CADM2: variants seen among roughly 807,000 people sequenced by gnomAD.
CADM2 encodes immunoglobulin superfamily member 4D.
A neutral mutation model predicts 49.8 loss-of-function variants in CADM2; 12 were observed. That is an observed-to-expected ratio of 0.24 (90% CI 0.15 to 0.39). The LOEUF (loss-of-function observed/expected upper bound fraction) is 0.39, where lower values mean the gene tolerates loss of function less well. CADM2 is among the 10% of genes least tolerant of loss of function. CADM2 has a pLI of 1.00. For missense variants in CADM2, 378 were observed against 492.3 expected, an observed-to-expected ratio of 0.77 and a Z score of 2.20; for synonymous variants, 214 against 175.4, an observed-to-expected ratio of 1.22 and a Z score of -1.74.
intron 1 of CADM2, among the ~76,000 whole-genome samples, chr3:85,601,160 A>G (rs1364666123): frequency 0.01 from 1,158 of 113,500 alleles, 38 homozygotes; most frequent in African/African-American, 0.03. Context: ...ATATATATAT[A>G]TATATATATA....
At chr3:85,875,797 G>T (rs2108366662) in intron 3 of CADM2, among the ~76,000 whole-genome samples, 1 of 152,304 alleles carries the variant, frequency 6.6e-6, no homozygotes, top group Middle Eastern at 3.4e-3. Context: ...AGCAGTGTTT[G>T]TGTGGGTAAC....
At chr3:85,543,100 G>A (rs1017879154) in intron 1 of CADM2, among the ~76,000 whole-genome samples, 6 of 152,112 alleles carry the variant, frequency 3.9e-5, no homozygotes, top group African/African-American at 1.4e-4. Context: ...TACTTCCTCA[G>A]AAAATTCATT....
intron 1 of CADM2, among the ~76,000 whole-genome samples, chr3:84,967,446 A>G (rs771898278): frequency 3.3e-5 from 5 of 152,148 alleles, no homozygotes; most frequent in Admixed American, 1.3e-4. Flanking sequence ...TTGTTTTTCA[A>G]TCTGGAGTTG....
intron 3 of CADM2, among the ~76,000 whole-genome samples, chr3:85,832,301 CT>C (rs1177905414): frequency 6.6e-6 from 1 of 151,832 alleles, no homozygotes; most frequent in East Asian, 1.9e-4. Flanking sequence ...GCTATTCAGC[CT>C]CCTTTTTGCT....
chr3:85,594,168 G>C (rs2107356898), intron 1 of CADM2, among the ~76,000 whole-genome samples: 1 of 151,788 alleles, frequency 6.6e-6, no homozygotes, highest in African/African-American at 2.4e-5. Context: ...GTTAACCTGA[G>C]AATAGTTCAA....
intron 7 of CADM2, among the ~76,000 whole-genome samples, chr3:85,956,888 A>T (rs1293006233): frequency 6.6e-6 from 1 of 151,690 alleles, no homozygotes; most frequent in Non-Finnish European, 1.5e-5. Context: ...GGAAGTGTAT[A>T]AATACATGCA....
At chr3:85,127,811 C>T (rs1042356542) in intron 1 of CADM2, among the ~76,000 whole-genome samples, 6 of 152,114 alleles carry the variant, frequency 3.9e-5, no homozygotes, top group African/African-American at 1.4e-4. Context: ...TTTAGAGTTT[C>T]ATTCAACAAT....
At position 85,566,164 on chromosome 3, in the gene CADM2, A is replaced by C. The variant is rs182105551; in HGVS notation, c.62-160358A>C. On this transcript the variant is annotated intron_variant, in intron 1 of 9. Transcript: ENST00000383699. ...TTCTGCAAATGGCTAGCAAATCCTT[A>C]AGTTTTTGAGTAATCATTTTCTGTA... is the stretch of plus-strand genomic sequence containing the variant. Among the ~76,000 whole-genome samples the C allele has an allele frequency of 9.1e-4, 139 of 152,248 alleles. 1 individual carries two copies. Among genetic ancestry groups the C allele is most frequent in the South Asian group, 3.7e-3 (18 of 4,826 alleles).
chr3:84,988,885 T>C lies in CADM2; in HGVS notation c.61+29217T>C, dbSNP rs116758494. Among the ~76,000 whole-genome samples, 879 of 152,308 alleles carry C rather than the reference T, an allele frequency of 5.8e-3. 2 individuals are homozygous for C. Among genetic ancestry groups the C allele is most frequent in the Non-Finnish European group, 0.01 (695 of 68,026 alleles). Reference sequence around the variant, plus strand: ...ATCTCTCCTTTTACTCTGCCTAAACTGTTGTACCACTAACATTTTTTATTT... The same window carrying C: ...ATCTCTCCTTTTACTCTGCCTAAACCGTTGTACCACTAACATTTTTTATTT... On this transcript the variant is annotated intron_variant, in intron 1 of 9. Transcript: ENST00000383699.
At chr3:85,732,610 C>G (rs2067979434) in intron 2 of CADM2, among the ~76,000 whole-genome samples, 1 of 152,086 alleles carries the variant, frequency 6.6e-6, no homozygotes, top group Admixed American at 6.6e-5. Context: ...AGATATATTA[C>G]TGCAGCTTTT....
At chr3:85,561,943 T>A (rs2062107203) in intron 1 of CADM2, among the ~76,000 whole-genome samples, 1 of 152,096 alleles carries the variant, frequency 6.6e-6, no homozygotes, top group Non-Finnish European at 1.5e-5. Flanking sequence ...AGAATAAAAC[T>A]ATTTGGTAAG....
chr3:85,625,857 T>A (rs748030788), intron 1 of CADM2, among the ~76,000 whole-genome samples: 213 of 152,166 alleles, frequency 1.4e-3, no homozygotes, highest in Non-Finnish European at 1.9e-3. Context: ...TTTGTATGTA[T>A]TGCTGTCAAT....
chr3:85,181,569 C>T (rs543805182), intron 1 of CADM2, among the ~76,000 whole-genome samples: 4 of 152,116 alleles, frequency 2.6e-5, no homozygotes, highest in East Asian at 1.9e-4. Flanking sequence ...CAAGGTATCA[C>T]TTTTTGGAAA....
At chr3:85,287,902 A>G (rs1042208431) in intron 1 of CADM2, among the ~76,000 whole-genome samples, 11 of 143,554 alleles carry the variant, frequency 7.7e-5, no homozygotes, top group Non-Finnish European at 1.2e-4. Flanking sequence ...AACAATGAGA[A>G]CACATGGACA....
chr3:85,193,150 G>A (rs1443341846), intron 1 of CADM2, among the ~76,000 whole-genome samples: 2 of 151,956 alleles, frequency 1.3e-5, no homozygotes, highest in African/African-American at 4.8e-5. Context: ...TTAAAATATA[G>A]GGTATATATG....
At chr3:85,101,929 T>G (rs953575946) in intron 1 of CADM2, among the ~76,000 whole-genome samples, 10 of 152,200 alleles carry the variant, frequency 6.6e-5, no homozygotes, top group African/African-American at 1.7e-4. Context: ...TGTATCTAAC[T>G]CTTCAGGTGT....
At chr3:85,307,909 A>AT (rs1386136689) in intron 1 of CADM2, among the ~76,000 whole-genome samples, 2 of 150,392 alleles carry the variant, frequency 1.3e-5, no homozygotes, top group African/African-American at 4.9e-5. Flanking sequence ...ATAGGTACAC[A>AT]TTTTTTCCAA....
intron 3 of CADM2, among the ~76,000 whole-genome samples, chr3:85,866,387 C>G (rs942195250): frequency 6.6e-6 from 1 of 152,134 alleles, no homozygotes; most frequent in East Asian, 1.9e-4. Flanking sequence ...CAGTCACTCA[C>G]TGGCCTAACT....
intron 2 of CADM2, among the ~76,000 whole-genome samples, chr3:85,765,966 T>A (rs1255740083): frequency 6.6e-6 from 1 of 152,238 alleles, no homozygotes; most frequent in Middle Eastern, 3.4e-3. Flanking sequence ...GCCCCTCATA[T>A]GCAAATGAAA....
Sources: allele counts gnomAD v4.1 joint callset (sites outside exome capture counted in the v4.1 genomes callset), GRCh38; gene constraint gnomAD v4.1.1; transcripts MANE v1.5; gene names NCBI Gene and HGNC (gene_info 2026-07-23, HGNC 2026-07-21).